Variants in SOD2 observed in about 807,000 individuals in gnomAD.
SOD2 encodes superoxide dismutase 2.
Under a neutral mutation model 27.0 loss-of-function variants are expected in SOD2, and 11 were observed. The observed-to-expected ratio is 0.41, with a 90% CI of 0.26 to 0.67. The LOEUF (loss-of-function observed/expected upper bound fraction) is 0.67. SOD2 is among the 30% of genes least tolerant of loss of function. The probability of loss-of-function intolerance (pLI) is 0.34; values close to 1 mark genes in which losing one functional copy is unlikely to be tolerated. For missense variants in SOD2, 250 were observed against 274.5 expected (o/e 0.91, Z 0.63); for synonymous variants, 105 against 103.0 (o/e 1.02, Z -0.12).
chr6:159,712,163 A>T lies in SOD2; in HGVS notation c.-116+14966T>A, dbSNP rs369284452. 2.1e-3 allele frequency among the ~76,000 whole-genome samples: 164 copies of T among 77,626 alleles called. 1 individual carries two copies. Among genetic ancestry groups the T allele is most frequent in the Non-Finnish European group, 2.7e-3 (92 of 33,954 alleles). 50.9% of individuals were successfully genotyped at this position (77,626 alleles called of 152,430 possible). ...TAACCACCACTCAGCTGCTCTGACC[A>T]CCATAACCACCTCCACAACCACCAC... On this transcript the variant is annotated intron_variant, in intron 1 of 2. Transcript: ENST00000401980.
chr6:159,734,857 A>C (rs1778807630), intron 1 of SOD2, among the ~76,000 whole-genome samples: 1 of 152,038 alleles, frequency 6.6e-6, no homozygotes, highest in African/African-American at 2.4e-5. Context: ...TTTTTTTTCC[A>C]ACCTTGTATT....
intron 1 of SOD2, chr6:159,753,630 C>T (rs1779897941): frequency 1.3e-6 from 2 of 1,587,838 alleles, no homozygotes; most frequent in South Asian, 2.3e-5. Context: ...GGGTTTGTTT[C>T]TTTTTGGAAC....
rs2114744829 is a variant in SOD2 at position 159,671,654 on chromosome 6, G to C, written c.*10839C>G. The C allele has an allele frequency of 6.6e-6, 1 of 152,304 alleles. No homozygotes were observed. The allele number at this position is 152,304 out of a possible 1,614,324, so 9.4% of individuals were successfully genotyped here. A position where few individuals can be genotyped will look rare whatever the true frequency, so the allele number is the denominator to read the frequency against. ...ACAAAGATGGGGAAAAAACAGAGCA[G>C]AAAAGCTGAAAATTCTAAAAATCAG... On this transcript the variant is annotated 3_prime_UTR_variant, in exon 5 of 5. Transcript: ENST00000538183.
At chr6:159,733,835 G>A (rs1435573739) in intron 1 of SOD2, among the ~76,000 whole-genome samples, 2 of 152,168 alleles carry the variant, frequency 1.3e-5, no homozygotes, top group Non-Finnish European at 2.9e-5. Flanking sequence ...AGAATTGCTT[G>A]AACCCAGGAG....
At chr6:159,727,446 C>G (rs1422440097), upstream of SOD2, 13 of 919,232 alleles carry the variant, frequency 1.4e-5, no homozygotes, top group African/African-American at 2.9e-5. Flanking sequence ...GGCTGTGGGG[C>G]GGGGCAGGGC....
chr6:159,682,664 C>T (rs1336664471), intron 4 of SOD2, 26 bp from the exon 5 acceptor site: 1 of 1,593,914 alleles, frequency 6.3e-7, no homozygotes, highest in Admixed American at 1.8e-5. Context: ...GGAAAACAAA[C>T]CAACCATCAG....
At chr6:159,734,958 C>T (rs1778815834) in intron 1 of SOD2, among the ~76,000 whole-genome samples, 1 of 151,996 alleles carries the variant, frequency 6.6e-6, no homozygotes, top group East Asian at 1.9e-4. Context: ...CTGCTATTAG[C>T]ATTCGTTCTA....
At chr6:159,742,623 T>A (rs1171899444) in intron 1 of SOD2, among the ~76,000 whole-genome samples, 1 of 152,192 alleles carries the variant, frequency 6.6e-6, no homozygotes. Context: ...GCCATTTTAG[T>A]CTCACTTTTT....
intron 1 of SOD2, among the ~76,000 whole-genome samples, chr6:159,704,435 C>T (rs2758353): frequency 0.4 from 61,424 of 152,066 alleles, 13,737 homozygotes; most frequent in Admixed American, 0.52. Context: ...CCTAATACTG[C>T]GCTTTTCCAA....
intron 2 of SOD2, among the ~76,000 whole-genome samples, chr6:159,690,573 T>C (rs1780411920): frequency 6.6e-6 from 1 of 151,416 alleles, no homozygotes; most frequent in African/African-American, 2.4e-5. Flanking sequence ...TCTCAAAGGG[T>C]TTTTTAAAGA....
intron 1 of SOD2, among the ~76,000 whole-genome samples, chr6:159,721,755 G>C (rs1225866061): frequency 7.6e-6 from 1 of 132,298 alleles, no homozygotes; most frequent in African/African-American, 2.9e-5. Context: ...TTGAACTCCT[G>C]ACCTCATGAT....
intron 1 of SOD2, among the ~76,000 whole-genome samples, chr6:159,722,857 C>T (rs1778067179): frequency 6.6e-6 from 1 of 152,192 alleles, no homozygotes; most frequent in African/African-American, 2.4e-5. Context: ...ATCCAGGAAG[C>T]TAAATAATAA....
chr6:159,692,816 T>A lies in SOD2; in HGVS notation c.71A>T (p.Gln24Leu). The stretch of plus-strand genomic sequence containing the variant: ...GGGCAGGTCGGGGAGGCTGTGCTTC[T>A]GCCTGGAGCCCAGATACCCCAAAAC... The part of the protein sequence containing the change: ...APVLGYLGSR[Q>L]KHSLPDLPYD... The change falls in exon 2 of 5, where the codon CAG becomes CTG. Residue 24 changes from glutamine (Q) to leucine (L), a missense_variant. Transcript: ENST00000538183. 1.2e-6 allele frequency: 2 copies of A among 1,613,804 alleles called. No individual in the cohort carries two copies. The highest frequency in any genetic ancestry group is 1.7e-6 in the Non-Finnish European group (2 of 1,179,956).
At chr6:159,755,704 T>G (rs934888453) in intron 1 of SOD2, 52 of 1,297,980 alleles carry the variant, frequency 4.0e-5, no homozygotes, top group Non-Finnish European at 5.9e-6. Context: ...AATTTGCCTT[T>G]TTGTGGGTGT....
At chr6:159,683,480 A>C (rs1780049155) in intron 4 of SOD2, among the ~76,000 whole-genome samples, 1 of 152,182 alleles carries the variant, frequency 6.6e-6, no homozygotes, top group East Asian at 1.9e-4. Context: ...GTGAGACTCC[A>C]TCACGCACAC....
At chr6:159,692,581 G>A (rs1316243523) in intron 2 of SOD2, 80 bp downstream of exon 2, 1 of 1,584,290 alleles carries the variant, frequency 6.3e-7, no homozygotes, top group Non-Finnish European at 8.6e-7. Context: ...CCTCCACGGA[G>A]AGGCCCGTCC....
rs1420709210 is a variant in SOD2, at chr6:159,671,647, CAG to C, written c.*10844_*10845del. ...TAAAACCACAAAGATGGGGAAAAAA[CAG>C]AGCAGAAAAGCTGAAAATTCTAAAA... On this transcript the variant is annotated 3_prime_UTR_variant, in exon 5 of 5. Coordinates refer to ENST00000538183, the MANE Select transcript of SOD2 (RefSeq NM_000636.4). The C allele has an allele frequency of 6.6e-6, 1 of 152,174 alleles. No individual in the cohort carries two copies. Among genetic ancestry groups the C allele is most frequent in the African/African-American group, 2.4e-5 (1 of 41,442 alleles). The allele number at this position is 152,174 out of a possible 1,614,324, so 9.4% of individuals were successfully genotyped here.
Position 159,725,077 on chromosome 6 carries a change from T to C in SOD2, c.-116+2052A>G, listed in dbSNP as rs77994987. On this transcript the variant is annotated intron_variant, in intron 1 of 2. Coordinates refer to the SOD2 transcript ENST00000401980. ...CCTATGCTCAGCTCCGGGACTTTAG[T>C]ATGCAGATTTCTGTATATGCTCGCA... Among the ~76,000 whole-genome samples, 786 of 152,292 alleles carry C rather than the reference T, an allele frequency of 5.2e-3. 5 individuals are homozygous for C. Among genetic ancestry groups the C allele is most frequent in the African/African-American group, 0.018 (744 of 41,554 alleles).
upstream of SOD2, among the ~76,000 whole-genome samples, chr6:159,747,272 T>C (rs996065456): frequency 6.6e-6 from 1 of 152,182 alleles, no homozygotes; most frequent in Non-Finnish European, 1.5e-5. Flanking sequence ...GAAGTCGAAA[T>C]TGAAGGTTTC....
Sources: allele counts gnomAD v4.1 joint callset (sites outside exome capture counted in the v4.1 genomes callset), GRCh38; gene constraint gnomAD v4.1.1; transcripts MANE v1.5; gene names NCBI Gene and HGNC (gene_info 2026-07-23, HGNC 2026-07-21).